ATAD2B: variants seen among roughly 807,000 people sequenced by gnomAD.
The protein encoded by ATAD2B is ATPase family AAA domain-containing protein 2B.
A neutral mutation model predicts 167.6 loss-of-function variants in ATAD2B; 40 were observed. The observed-to-expected ratio is 0.24, with a 90% CI of 0.19 to 0.31. ATAD2B has a LOEUF of 0.31. ATAD2B is among the 10% of genes least tolerant of loss of function. The pLI is 1.00. For synonymous variants in ATAD2B, 579 were observed against 596.5 expected (o/e 0.97, Z 0.43); for missense variants, 1,242 against 1,757.2 (o/e 0.71, Z 5.24).
intron 22 of ATAD2B, among the ~76,000 whole-genome samples, chr2:23,781,374 A>C (rs1680028732): frequency 6.8e-6 from 1 of 147,906 alleles, no homozygotes; most frequent in African/African-American, 2.6e-5. Flanking sequence ...ATAAATAAAT[A>C]AATAATCAGG....
intron 6 of ATAD2B, among the ~76,000 whole-genome samples, chr2:23,883,298 A>C (rs1298345554): frequency 1.3e-5 from 2 of 151,752 alleles, no homozygotes; most frequent in African/African-American, 4.8e-5. Flanking sequence ...AAAAAAAAAA[A>C]AACCTGCCAA....
the ATAD2B span, among the ~76,000 whole-genome samples, chr2:23,704,837 G>C: frequency 4.6e-5 from 7 of 152,234 alleles, no homozygotes; most frequent in African/African-American, 1.7e-4. Context: ...AAGACATCTT[G>C]TGCCTATGTA....
chr2:23,868,275 A>C (rs1258856046), intron 9 of ATAD2B, among the ~76,000 whole-genome samples: 1 of 152,230 alleles, frequency 6.6e-6, no homozygotes, highest in East Asian at 1.9e-4. Flanking sequence ...TATGTATTAT[A>C]ATATATGGGA....
chr2:23,777,953 G>C (rs1679415992), intron 22 of ATAD2B, among the ~76,000 whole-genome samples: 1 of 152,144 alleles, frequency 6.6e-6, no homozygotes, highest in African/African-American at 2.4e-5. Flanking sequence ...TGTCTTCTAT[G>C]TATATGTTAG....
In ATAD2B at chr2:23,920,870, G is replaced by A. The variant is rs568053679; in HGVS notation, c.216+5685C>T. ...TCCAGAGAGGAGGCACAAAAGAAGT[G>A]TAAAACATTCTTATTGAAAGACCAA... On this transcript the variant is annotated intron_variant, in intron 1 of 27. Transcript: ENST00000238789. Among the ~76,000 whole-genome samples the A allele has an allele frequency of 6.6e-5, 10 of 152,242 alleles. No individual in the cohort carries two copies. In the East Asian group the frequency reaches 1.7e-3, roughly 26 times the overall value.
rs1289682082 is a variant in ATAD2B, at chr2:23,751,628, A to C, written c.*418T>G. 6.0e-6 allele frequency: 1 copy of C among 165,382 alleles called. No individual in the cohort carries two copies. Among genetic ancestry groups the C allele is most frequent in the Admixed American group, 6.4e-5 (1 of 15,634 alleles). 10.2% of individuals were successfully genotyped at this position (165,382 alleles called of 1,614,324 possible). ...TGATTAAAGGGGTAAAATGGAGGAAAAAAAAATAACAAGTTGCCCACTGTT... is the reference window on the plus strand; with the variant it reads ...TGATTAAAGGGGTAAAATGGAGGAACAAAAAATAACAAGTTGCCCACTGTT... On this transcript the variant is annotated 3_prime_UTR_variant, in exon 28 of 28. Transcript: ENST00000238789.
chr2:23,684,236 G>A, the ATAD2B span, among the ~76,000 whole-genome samples: 7 of 151,422 alleles, frequency 4.6e-5, no homozygotes, highest in Non-Finnish European at 1.0e-4. The surrounding 1 kb of genome is among the most constrained non-coding windows in gnomAD (Gnocchi z 4.4). Context: ...CATTATGTTT[G>A]TGACTTCTTT....
chr2:23,766,929 A>AAG, intron 22 of ATAD2B, among the ~76,000 whole-genome samples: 1 of 151,928 alleles, frequency 6.6e-6, no homozygotes, highest in East Asian at 1.9e-4. Flanking sequence ...GGAAAAAAAA[A>AAG]AAAACAACTA....
chr2:23,867,519 T>C (rs1695314624), intron 10 of ATAD2B, among the ~76,000 whole-genome samples: 1 of 152,096 alleles, frequency 6.6e-6, no homozygotes, highest in Non-Finnish European at 1.5e-5. Context: ...ATAGCCAGAG[T>C]GAGCTACCCA....
chr2:23,881,505 G>A (rs1357863581), intron 6 of ATAD2B, among the ~76,000 whole-genome samples: 4 of 151,412 alleles, frequency 2.6e-5, no homozygotes, highest in African/African-American at 9.7e-5. Flanking sequence ...GGGACTACAG[G>A]CACGTGCCAC....
chr2:23,831,235 A>C (rs903431374), intron 14 of ATAD2B, among the ~76,000 whole-genome samples: 1 of 152,226 alleles, frequency 6.6e-6, no homozygotes, highest in African/African-American at 2.4e-5. Context: ...GTACACATAC[A>C]AATATATATT....
the ATAD2B span, among the ~76,000 whole-genome samples, chr2:23,685,053 G>C: frequency 6.6e-6 from 1 of 152,228 alleles, no homozygotes; most frequent in African/African-American, 2.4e-5. Flanking sequence ...CCAAGTAGGG[G>C]AGAAGAGACT....
intron 7 of ATAD2B, among the ~76,000 whole-genome samples, chr2:23,877,799 G>A (rs991362924): frequency 4.7e-5 from 7 of 149,208 alleles, no homozygotes; most frequent in Non-Finnish European, 1.0e-4. Flanking sequence ...GGTAGAAGCT[G>A]CAGTGAGCCA....
At chr2:23,888,032 G>T in intron 3 of ATAD2B, 47 bp from the exon 4 acceptor site, 3 of 1,345,178 alleles carry the variant, frequency 2.2e-6, no homozygotes, top group Non-Finnish European at 2.9e-6. Flanking sequence ...AATACAGAAA[G>T]ACAGAAAAGA....
intron 17 of ATAD2B, among the ~76,000 whole-genome samples, chr2:23,819,352 G>A (rs1378520692): frequency 1.3e-5 from 2 of 152,048 alleles, no homozygotes; most frequent in East Asian, 1.9e-4. Flanking sequence ...TTAGCTGGGC[G>A]TGGTAGCGCA....
chr2:23,694,144 T>C, the ATAD2B span, among the ~76,000 whole-genome samples: 1 of 152,320 alleles, frequency 6.6e-6, no homozygotes, highest in South Asian at 2.1e-4. Flanking sequence ...TCCAGACCCC[T>C]CTGCTCAGTG....
At chr2:23,924,296 G>A (rs1704397779) in intron 1 of ATAD2B, among the ~76,000 whole-genome samples, 1 of 152,100 alleles carries the variant, frequency 6.6e-6, no homozygotes, top group Non-Finnish European at 1.5e-5. Flanking sequence ...CAAAAATAAG[G>A]GTCTGCGAAA....
chr2:23,681,024 C>T, the ATAD2B span, among the ~76,000 whole-genome samples: 1 of 152,222 alleles, frequency 6.6e-6, no homozygotes. The surrounding 1 kb of genome is among the most constrained non-coding windows in gnomAD (Gnocchi z 4.2). Flanking sequence ...AGGGAGTGTC[C>T]TTTGCCAAAA....
intron 17 of ATAD2B, chr2:23,811,176 A>C (rs1685532291): frequency 6.6e-6 from 1 of 152,218 alleles, no homozygotes; most frequent in Admixed American, 6.5e-5. Context: ...CCAAGGTTAA[A>C]TGTTAGGAAT....
Sources: gnomAD v4.1 joint callset for allele counts (sites outside exome capture counted in the v4.1 genomes callset) on GRCh38, gnomAD v4.1.1 for gene constraint, Gnocchi (gnomAD v3.1) non-coding constraint, MANE v1.5 for transcripts, NCBI Gene and HGNC (gene_info 2026-07-23, HGNC 2026-07-21) for gene names.